The following ALDH1A2 variants were observed in gnomAD, a reference collection of about 807,000 sequenced individuals.
ALDH1A2 encodes aldehyde dehydrogenase 1 family member A2.
In ALDH1A2, 27 loss-of-function variants were observed where a neutral mutation model predicts 60.3. The observed-to-expected ratio is 0.45, with a 90% CI of 0.33 to 0.62. The LOEUF is 0.62. Among genes scored for constraint, ALDH1A2 ranks in the 20% least tolerant of loss-of-function variants. ALDH1A2 has a pLI of 0.02. For missense variants in ALDH1A2, 581 were observed against 643.8 expected (o/e 0.90, Z 1.06); for synonymous variants, 289 against 232.4 (o/e 1.24, Z -2.21).
chr15:58,024,653 A>G (rs1896026562), intron 1 of ALDH1A2, among the ~76,000 whole-genome samples: 1 of 152,200 alleles, frequency 6.6e-6, no homozygotes, highest in South Asian at 2.1e-4. Context: ...CAGATCATCT[A>G]GGCAGAAAAT....
intron 1 of ALDH1A2, among the ~76,000 whole-genome samples, chr15:58,016,587 T>G (rs1356943242): frequency 1.3e-5 from 2 of 152,210 alleles, no homozygotes; most frequent in Non-Finnish European, 1.5e-5. Context: ...CTTCATCACT[T>G]AGTCTATTGA....
Position 57,954,621 on chromosome 15 carries a change from G to C in ALDH1A2, c.*576C>G, listed in dbSNP as rs1412264379. 5.9e-6 allele frequency: 1 copy of C among 170,608 alleles called. No individual in the cohort carries two copies. Among genetic ancestry groups the C allele is most frequent in the African/African-American group, 2.4e-5 (1 of 42,070 alleles). 10.6% of individuals were successfully genotyped at this position (170,608 alleles called of 1,614,324 possible). A position where few individuals can be genotyped will look rare whatever the true frequency, so the allele number is the denominator to read the frequency against. On this transcript the variant is annotated 3_prime_UTR_variant, in exon 13 of 13. Coordinates refer to ENST00000249750, the MANE Select transcript of ALDH1A2 (RefSeq NM_003888.4). ...CTACATCTGTAGTGTACCAGCTCCT[G>C]GCATTTTCATTCTGGTCTGACTCTA...
chr15:57,984,914 T>C (rs1254387853), intron 7 of ALDH1A2, among the ~76,000 whole-genome samples: 1 of 152,192 alleles, frequency 6.6e-6, no homozygotes, highest in Middle Eastern at 3.2e-3. Context: ...TACTATGGAG[T>C]ATTACATTGA....
At position 57,992,883 on chromosome 15, in the gene ALDH1A2, T is replaced by C. The variant is rs111925894; in HGVS notation, c.684+62A>G. On this transcript the variant is annotated intron_variant, in intron 6 of 12. Coordinates refer to ENST00000249750, the MANE Select transcript of ALDH1A2 (RefSeq NM_003888.4). ...CTGATGCATCATGTTAAATGAGATA[T>C]GCTCTAGTAGGCTCCAGCTGTAAGG... 36 of 1,613,838 alleles carry C rather than the reference T, an allele frequency of 2.2e-5. No individual in the cohort carries two copies. The African/African-American group carries it at 3.2e-4, about 14-fold the overall frequency.
chr15:57,956,256 C>T (rs1893523065), intron 12 of ALDH1A2, among the ~76,000 whole-genome samples: 1 of 152,202 alleles, frequency 6.6e-6, no homozygotes, highest in African/African-American at 2.4e-5. Context: ...CCTATTCCCT[C>T]TTCCCAAGTT....
In ALDH1A2 at chr15:57,992,933, C is replaced by T. The variant is rs141814790; in HGVS notation, c.684+12G>A. 2.0e-4 allele frequency: 319 copies of T among 1,614,028 alleles called. No individual in the cohort carries two copies. The highest frequency in any genetic ancestry group is 1.4e-4 in the Non-Finnish European group (168 of 1,179,948). ...GGGAGTCAGAAGCACTCCCGAAGTC[C>T]GTTTCTCTTACCTCCTTGATGAGGG... On this transcript the variant is annotated intron_variant, in intron 6 of 12. Transcript: ENST00000249750.
In ALDH1A2 at chr15:57,990,615, C is replaced by T. The variant is rs139632917; in HGVS notation, c.798+2090G>A. The T allele has an allele frequency of 3.2e-3, 484 of 152,284 alleles. 4 individuals are homozygous for T. The highest frequency in any genetic ancestry group is 0.011 in the African/African-American group (462 of 41,538). 9.4% of individuals were successfully genotyped at this position (152,284 alleles called of 1,614,324 possible). On this transcript the variant is annotated intron_variant, in intron 7 of 12. Coordinates refer to ENST00000249750, the MANE Select transcript of ALDH1A2 (RefSeq NM_003888.4). ...ATAGGCCGGACACCGTGGCTCATGC[C>T]TGTAATCCTAGCACTTTGGGAGGCC...
chr15:58,048,460 A>G (rs1566960401), intron 1 of ALDH1A2, among the ~76,000 whole-genome samples: 1 of 152,116 alleles, frequency 6.6e-6, no homozygotes, highest in South Asian at 2.1e-4. Flanking sequence ...ACAAAAGGTC[A>G]CTAGTCGTGT....
Position 58,010,601 on chromosome 15 carries a change from T to C in ALDH1A2, c.493+48A>G, listed in dbSNP as rs374291681. The stretch of plus-strand genomic sequence containing the variant: ...TTGTGTTTGGTGGCCAAAGCGCATT[T>C]CTGGTGGTTTCACGTTTTCCTTTTC... On this transcript the variant is annotated intron_variant, in intron 4 of 12. Transcript: ENST00000249750. 2.9e-5 allele frequency: 46 copies of C among 1,608,286 alleles called. No individual in the cohort carries two copies. The African/African-American group carries it at 5.3e-4, about 19-fold the overall frequency.
intron 1 of ALDH1A2, among the ~76,000 whole-genome samples, chr15:58,044,887 A>G (rs1199587218): frequency 6.6e-6 from 1 of 151,970 alleles, no homozygotes; most frequent in Non-Finnish European, 1.5e-5. Flanking sequence ...TTACAATTTC[A>G]TGGCAACAAA....
intron 12 of ALDH1A2, among the ~76,000 whole-genome samples, chr15:57,957,033 G>A (rs1210283459): frequency 4.6e-5 from 7 of 152,148 alleles, no homozygotes; most frequent in African/African-American, 7.2e-5. Flanking sequence ...ATCTGTGCAC[G>A]GGGGAAGTGG....
At chr15:57,999,670 C>T (rs879471472) in intron 4 of ALDH1A2, among the ~76,000 whole-genome samples, 10 of 151,840 alleles carry the variant, frequency 6.6e-5, no homozygotes, top group Non-Finnish European at 1.2e-4. Flanking sequence ...CCTCAAAGAC[C>T]GAGAACCAGA....
rs1182669219 is a variant in ALDH1A2, at chr15:58,010,653, A to G, written c.489T>C (p.Pro163=). Residue 163 remains proline, a synonymous_variant, in exon 4 of 13, where the codon CCT becomes CCC. Transcript: ENST00000249750. The part of the protein sequence containing the change: ...WADKIHGMTI[P]VDGDYFTFTR... Reference sequence around the variant, plus strand: ...ACGTACTCAGATTTCACATACCTACAGGAATGGTCATCCCATGAATTTTAT... The same window carrying G: ...ACGTACTCAGATTTCACATACCTACGGGAATGGTCATCCCATGAATTTTAT... 1.2e-6 allele frequency: 2 copies of G among 1,613,070 alleles called. No individual in the cohort carries two copies. Among genetic ancestry groups the G allele is most frequent in the East Asian group, 2.2e-5 (1 of 44,880 alleles).
intron 1 of ALDH1A2, among the ~76,000 whole-genome samples, chr15:58,059,193 GA>G (rs1384934892): frequency 2.0e-5 from 3 of 152,100 alleles, no homozygotes; most frequent in African/African-American, 7.2e-5. Flanking sequence ...AGATCTCAAA[GA>G]TACAATTAAA....
intron 7 of ALDH1A2, among the ~76,000 whole-genome samples, chr15:57,968,679 C>T (rs1893969834): frequency 6.6e-6 from 1 of 152,142 alleles, no homozygotes; most frequent in Admixed American, 6.5e-5. Flanking sequence ...CAAGCAAAAG[C>T]CAGGAAAAAT....
chr15:58,024,818 T>A (rs1377873862), intron 1 of ALDH1A2, among the ~76,000 whole-genome samples: 1 of 152,122 alleles, frequency 6.6e-6, no homozygotes, highest in African/African-American at 2.4e-5. Flanking sequence ...CAGCAATTTT[T>A]AAAAAATCAT....
chr15:57,957,707 C>T (rs1248912350), intron 12 of ALDH1A2, among the ~76,000 whole-genome samples: 1 of 152,184 alleles, frequency 6.6e-6, no homozygotes, highest in Non-Finnish European at 1.5e-5. Context: ...CACCTAGAGG[C>T]TTTAAGGTAA....
chr15:57,996,893 G>C (rs1415076091), intron 4 of ALDH1A2, among the ~76,000 whole-genome samples: 1 of 151,950 alleles, frequency 6.6e-6, no homozygotes, highest in African/African-American at 2.4e-5. Flanking sequence ...TAATGATAGA[G>C]TGAACATCTT....
intron 7 of ALDH1A2, among the ~76,000 whole-genome samples, chr15:57,971,339 C>G (rs1328844837): frequency 1.3e-5 from 2 of 152,206 alleles, no homozygotes; most frequent in Admixed American, 1.3e-4. Context: ...CTTCTCTGAT[C>G]TCACAGTGCT....
Sources: gnomAD v4.1 joint callset for allele counts (sites outside exome capture counted in the v4.1 genomes callset) on GRCh38, gnomAD v4.1.1 for gene constraint, MANE v1.5 for transcripts, NCBI Gene and HGNC (gene_info 2026-07-23, HGNC 2026-07-21) for gene names.